The following FTO variants were observed in gnomAD, a reference collection of about 807,000 sequenced individuals.
The protein encoded by FTO is alpha-ketoglutarate-dependent dioxygenase FTO.
A neutral mutation model predicts 63.9 loss-of-function variants in FTO; 47 were observed. The observed-to-expected ratio is 0.74, with a 90% confidence interval of 0.58 to 0.94. FTO has a LOEUF of 0.94. FTO is among the 40% of genes least tolerant of loss of function. The pLI, the probability that FTO is intolerant of heterozygous loss-of-function variation, is 0.00. For synonymous variants in FTO, 207 were observed against 224.4 expected (o/e 0.92, Z 0.69); for missense variants, 562 against 618.1 (o/e 0.91, Z 0.96).
intron 8 of FTO, among the ~76,000 whole-genome samples, chr16:54,029,792 A>G (rs1271894605): frequency 6.6e-6 from 1 of 152,134 alleles, no homozygotes; most frequent in Non-Finnish European, 1.5e-5. Context: ...TCAATAACTG[A>G]GTGCCACAGA....
In FTO at chr16:53,790,790, T is replaced by A. The variant is rs867652277; in HGVS notation, c.46-19350T>A. 7.3e-3 allele frequency among the ~76,000 whole-genome samples: 1,113 copies of A among 152,268 alleles called. 12 individuals carry two copies. Among genetic ancestry groups the A allele is most frequent in the African/African-American group, 0.025 (1,038 of 41,546 alleles). ...TGAACTCATTTTAAGAAGATGAGAT[T>A]GCCTAAAGGAAGAATGTTTTGTAGA... is the stretch of plus-strand genomic sequence containing the variant. On this transcript the variant is annotated intron_variant, in intron 1 of 8. Coordinates refer to ENST00000471389, the MANE Select transcript of FTO (RefSeq NM_001080432.3).
intron 7 of FTO, among the ~76,000 whole-genome samples, chr16:53,923,414 C>T (rs1253050437): frequency 6.6e-6 from 1 of 152,210 alleles, no homozygotes; most frequent in East Asian, 1.9e-4. Flanking sequence ...CAAACGATCA[C>T]ATACAGAAGT....
In FTO at chr16:53,959,591, C is replaced by T. The variant is rs185192491; in HGVS notation, c.1364+25482C>T. ...ACTGGACACTTTTGTAACCATGTAACCATTATAACTGTTACTGTGGGTAAT... is the reference window on the plus strand; with the variant it reads ...ACTGGACACTTTTGTAACCATGTAATCATTATAACTGTTACTGTGGGTAAT... On this transcript the variant is annotated intron_variant, in intron 8 of 8. Transcript: ENST00000471389. Among the ~76,000 whole-genome samples, 4 of 152,062 alleles carry T rather than the reference C, an allele frequency of 2.6e-5. No homozygotes were observed. The East Asian group carries it at 7.7e-4, about 29-fold the overall frequency.
intron 8 of FTO, among the ~76,000 whole-genome samples, chr16:53,971,714 T>G (rs1410409494): frequency 6.6e-6 from 1 of 152,358 alleles, no homozygotes; most frequent in East Asian, 1.9e-4. Context: ...GCTGCTACTT[T>G]TAACTGTGTG....
chr16:54,121,612 A>T lies in FTO; in HGVS notation c.*9697A>T, dbSNP rs186195430. The T allele has an allele frequency of 6.6e-6, 1 of 152,322 alleles. No homozygotes were observed. The highest frequency in any genetic ancestry group is 1.9e-4 in the East Asian group (1 of 5,166). 9.4% of individuals were successfully genotyped at this position (152,322 alleles called of 1,614,324 possible). A position where few individuals can be genotyped will look rare whatever the true frequency, so the allele number is the denominator to read the frequency against. On this transcript the variant is annotated 3_prime_UTR_variant, in exon 9 of 9. Coordinates refer to ENST00000471389, the MANE Select transcript of FTO (RefSeq NM_001080432.3). ...GATCTTTTCTCCGCTAGAACTGCTCAACAGGTGAAGAATCTTTTTCCAGCA... is the reference window on the plus strand; with the variant it reads ...GATCTTTTCTCCGCTAGAACTGCTCTACAGGTGAAGAATCTTTTTCCAGCA...
intron 3 of FTO, among the ~76,000 whole-genome samples, chr16:53,837,025 C>T (rs953407910): frequency 1.3e-5 from 2 of 152,200 alleles, no homozygotes; most frequent in African/African-American, 4.8e-5. Flanking sequence ...TCTCTTTATA[C>T]CTTCCTGAGG....
intron 1 of FTO, among the ~76,000 whole-genome samples, chr16:53,780,128 C>T (rs2077551425): frequency 6.6e-6 from 1 of 152,190 alleles, no homozygotes; most frequent in Non-Finnish European, 1.5e-5. Context: ...CCTTCTCCTG[C>T]TCTGGCTGAC....
At chr16:53,738,917 T>C (rs1021983397) in intron 1 of FTO, among the ~76,000 whole-genome samples, 1 of 152,060 alleles carries the variant, frequency 6.6e-6, no homozygotes, top group African/African-American at 2.4e-5. Flanking sequence ...CATGATTCAC[T>C]GGAGCCTCAA....
intron 8 of FTO, among the ~76,000 whole-genome samples, chr16:54,004,064 G>C (rs1338079322): frequency 6.6e-6 from 1 of 152,024 alleles, no homozygotes; most frequent in Non-Finnish European, 1.5e-5. Flanking sequence ...CAGAGTTTTT[G>C]TTGAAACACA....
chr16:54,090,053 A>C (rs956236859), intron 8 of FTO, among the ~76,000 whole-genome samples: 6 of 152,328 alleles, frequency 3.9e-5, no homozygotes, highest in Admixed American at 3.9e-4. Context: ...AAGAATTGAA[A>C]GCAGGGACTC....
chr16:53,852,798 C>G (rs192100925), intron 4 of FTO, among the ~76,000 whole-genome samples: 1 of 152,330 alleles, frequency 6.6e-6, no homozygotes, highest in African/African-American at 2.4e-5. Flanking sequence ...TAGTTTCCCT[C>G]TCCCCCTGGA....
intron 8 of FTO, among the ~76,000 whole-genome samples, chr16:53,967,546 G>C (rs1170785974): frequency 2.0e-5 from 3 of 152,148 alleles, no homozygotes; most frequent in Non-Finnish European, 4.4e-5. Context: ...CTAGTGGCTA[G>C]AGCTTACAAG....
At chr16:53,788,895 T>A (rs146299975) in intron 1 of FTO, among the ~76,000 whole-genome samples, 3 of 152,184 alleles carry the variant, frequency 2.0e-5, no homozygotes, top group Non-Finnish European at 4.4e-5. Context: ...ATTAACCAAG[T>A]GCCAAATTTC....
At chr16:53,950,968 A>C (rs907180542) in intron 8 of FTO, among the ~76,000 whole-genome samples, 2 of 152,220 alleles carry the variant, frequency 1.3e-5, no homozygotes, top group African/African-American at 2.4e-5. Context: ...ATTATACATC[A>C]CATAAAGCAT....
chr16:54,030,404 T>A (rs1398283575), intron 8 of FTO, among the ~76,000 whole-genome samples: 1 of 152,180 alleles, frequency 6.6e-6, no homozygotes, highest in Admixed American at 6.5e-5. Context: ...AAGGACTTCG[T>A]TGTATAAAAA....
At chr16:53,832,298 A>AT (rs1245522393) in intron 3 of FTO, among the ~76,000 whole-genome samples, 2 of 152,222 alleles carry the variant, frequency 1.3e-5, no homozygotes, top group African/African-American at 2.4e-5. Flanking sequence ...TTATAGTTTT[A>AT]TAAGTTTCAA....
At position 53,826,045 on chromosome 16, in the gene FTO, C is replaced by G; in HGVS notation, c.305C>G (p.Pro102Arg). 6.2e-7 allele frequency: 1 copy of G among 1,614,120 alleles called. No individual in the cohort carries two copies. The highest frequency in any genetic ancestry group is 8.5e-7 in the Non-Finnish European group (1 of 1,180,008). Residue 102 changes from proline to arginine, a missense_variant, in exon 3 of 9, where the codon CCA becomes CGA. By Grantham distance (103) the Pro-to-Arg change is moderately radical. Transcript: ENST00000471389. The part of the protein sequence containing the change: ...TPVSRILIGN[P>R]GCTYKYLNTR... ...GTATCTCGCATCCTCATTGGTAATC[C>G]AGGCTGCACCTACAAGTACCTGAAC...
intron 8 of FTO, among the ~76,000 whole-genome samples, chr16:54,062,167 A>G (rs2085592225): frequency 6.6e-6 from 1 of 152,220 alleles, no homozygotes; most frequent in African/African-American, 2.4e-5. Context: ...TTTTTGAAGC[A>G]GTCAACTCGT....
intron 1 of FTO, among the ~76,000 whole-genome samples, chr16:53,756,934 A>G (rs946613363): frequency 5.3e-5 from 8 of 152,294 alleles, no homozygotes; most frequent in African/African-American, 1.9e-4. Context: ...TAAAGGATAA[A>G]TGACAGGCCT....
Sources: allele counts gnomAD v4.1 joint callset (sites outside exome capture counted in the v4.1 genomes callset), GRCh38; gene constraint gnomAD v4.1.1; transcripts MANE v1.5; gene names NCBI Gene and HGNC (gene_info 2026-07-23, HGNC 2026-07-21).